MDH1: variants seen among roughly 807,000 people sequenced by gnomAD.
The protein encoded by MDH1 is malate dehydrogenase 1, also known as malate dehydrogenase, cytoplasmic.
A neutral mutation model predicts 38.7 loss-of-function variants in MDH1; 15 were observed. The ratio of observed to expected loss-of-function variants is 0.39; its 90% confidence interval spans 0.26 to 0.60. MDH1 has a LOEUF of 0.60. Among genes scored for constraint, MDH1 ranks in the 20% least tolerant of loss-of-function variants. The pLI is 0.56. For synonymous variants in MDH1, 144 were observed against 143.6 expected (o/e 1.00, Z -0.02); for missense variants, 368 against 405.2 (o/e 0.91, Z 0.79).
In MDH1 at chr2:63,606,936, G is replaced by A; in HGVS notation, c.954G>A (p.Lys318=). ...FSREKMDLTA[K]ELTEEKESAF... is the part of the protein sequence containing the mutation. ...GTGAGAAGATGGATCTTACTGCAAA[G>A]GAACTGACAGAAGAAAAAGAAAGTG... The change falls in exon 9 of 9, where the codon AAG becomes AAA. Residue 318 remains lysine, a synonymous_variant. Transcript: ENST00000233114. 1 of 1,612,836 alleles carries A rather than the reference G, an allele frequency of 6.2e-7. No individual in the cohort carries two copies. The highest frequency in any genetic ancestry group is 1.1e-5 in the South Asian group (1 of 90,888).
At chr2:63,600,107 T>TA (rs1709391617) in intron 5 of MDH1, 3 of 143,528 alleles carry the variant, frequency 2.1e-5, no homozygotes, top group Non-Finnish European at 4.7e-5. Flanking sequence ...AACTTTAGTT[T>TA]CAAAAAAAAA....
chr2:63,595,016 T>C, intron 2 of MDH1: 1 of 276,358 alleles, frequency 3.6e-6, no homozygotes, highest in Non-Finnish European at 6.9e-6. Context: ...TAAAATCCTT[T>C]TCTAAGGTAT....
At chr2:63,598,811 G>A (rs904620683) in intron 4 of MDH1, among the ~76,000 whole-genome samples, 9 of 150,330 alleles carry the variant, frequency 6.0e-5, no homozygotes, top group Non-Finnish European at 1.0e-4. Flanking sequence ...TCTTCAAAGC[G>A]TCCTTGTTCG....
chr2:63,594,472 G>A lies in MDH1; in HGVS notation c.4-16G>A, dbSNP rs751703733. ...CAGTAGTACTTAAAGATGTTAATGG[G>A]TCTTTTTCATTACAGTCTGAACCAA... On this transcript the variant is annotated splice_polypyrimidine_tract_variant and intron_variant, in intron 1 of 8. Transcript: ENST00000233114. The A allele has an allele frequency of 3.8e-6, 6 of 1,578,814 alleles. No individual in the cohort carries two copies. The highest frequency in any genetic ancestry group is 3.3e-5 in the Admixed American group (2 of 59,922).
chr2:63,604,701 T>C lies in MDH1; in HGVS notation c.504T>C (p.Ala168=). The C allele has an allele frequency of 6.2e-7, 1 of 1,613,148 alleles. No homozygotes were observed. Among genetic ancestry groups the C allele is most frequent in the Admixed American group, 1.7e-5 (1 of 59,936 alleles). The change falls in exon 6 of 9, where the codon GCT becomes GCC. Residue 168 remains alanine, a synonymous_variant. Transcript: ENST00000233114. The part of the protein sequence containing the change: ...LDHNRAKAQI[A]LKLGVTANDV... ...TTTGTTTTCAATTTAACTAGATTGC[T>C]CTTAAACTTGGTGTGACTGCTAATG...
At chr2:63,598,229 A>G (rs948981296) in intron 4 of MDH1, 9 of 152,296 alleles carry the variant, frequency 5.9e-5, no homozygotes, top group African/African-American at 2.2e-4. Flanking sequence ...CCCGGGTTCA[A>G]GCGATTCTCC....
chr2:63,604,548 T>A, intron 5 of MDH1, 148 bp from the exon 6 acceptor site: 1 of 669,066 alleles, frequency 1.5e-6, no homozygotes. Flanking sequence ...GCAATAAATT[T>A]ACATTTTTTA....
Position 63,606,843 on chromosome 2 carries a change from T to C in MDH1, c.880-19T>C, listed in dbSNP as rs1355340573. 2.5e-6 allele frequency: 4 copies of C among 1,587,356 alleles called. No individual in the cohort carries two copies. Among genetic ancestry groups the C allele is most frequent in the Non-Finnish European group, 3.4e-6 (4 of 1,167,108 alleles). On this transcript the variant is annotated intron_variant, in intron 8 of 8. Transcript: ENST00000233114. Reference sequence around the variant, plus strand: ...ATCAGTTCCAGTTTAAATCTCTTATTTGCATTATTTTCAAACAGAATAAGA... The same window carrying C: ...ATCAGTTCCAGTTTAAATCTCTTATCTGCATTATTTTCAAACAGAATAAGA...
chr2:63,598,717 G>A (rs1709363071), intron 4 of MDH1, among the ~76,000 whole-genome samples: 1 of 152,042 alleles, frequency 6.6e-6, no homozygotes, highest in Non-Finnish European at 1.5e-5. Context: ...ATCCACAGGT[G>A]CCAGTAAAAG....
intron 1 of MDH1, among the ~76,000 whole-genome samples, chr2:63,589,784 G>T (rs558872680): frequency 3.3e-5 from 5 of 152,158 alleles, no homozygotes; most frequent in Non-Finnish European, 7.3e-5. Flanking sequence ...CTGAAAGAGA[G>T]GGGGAGGGGG....
chr2:63,602,358 T>TG (rs1301117232), intron 5 of MDH1, among the ~76,000 whole-genome samples: 50 of 148,046 alleles, frequency 3.4e-4, no homozygotes, highest in African/African-American at 1.2e-3. Context: ...TTTTTTTTTT[T>TG]TTTTTTTTTT....
At chr2:63,599,713 C>A (rs1279259609) in intron 5 of MDH1, 1 of 152,226 alleles carries the variant, frequency 6.6e-6, no homozygotes, top group African/African-American at 2.4e-5. Flanking sequence ...GCTAAGCCAT[C>A]AAATTCAGAT....
At chr2:63,594,039 C>G in intron 1 of MDH1, among the ~76,000 whole-genome samples, 1 of 152,180 alleles carries the variant, frequency 6.6e-6, no homozygotes, top group Non-Finnish European at 1.5e-5. Flanking sequence ...GATTAATTGT[C>G]TTATTTAAAT....
Position 63,606,894 on chromosome 2 carries a change from T to C in MDH1, c.912T>C (p.Pro304=), listed in dbSNP as rs1575728079. The C allele has an allele frequency of 6.2e-7, 1 of 1,611,936 alleles. No individual in the cohort carries two copies. Reference sequence around the variant, plus strand: ...CCTGGAAGTTTGTTGAAGGTCTCCCTATTAATGATTTCTCACGTGAGAAGA... The same window carrying C: ...CCTGGAAGTTTGTTGAAGGTCTCCCCATTAATGATTTCTCACGTGAGAAGA... ...NKTWKFVEGL[P]INDFSREKMD... Residue 304 remains proline, a synonymous_variant, in exon 9 of 9, where the codon CCT becomes CCC. Coordinates refer to ENST00000233114, the MANE Select transcript of MDH1 (RefSeq NM_005917.4).
rs9309355 is a variant in MDH1, at chr2:63,604,600, C to T, written c.499-96C>T. 0.02 allele frequency: 19,034 copies of T among 967,482 alleles called. 1,723 individuals carry two copies. The African/African-American group carries it at 0.23, about 12-fold the overall frequency. 59.9% of individuals were successfully genotyped at this position (967,482 alleles called of 1,614,324 possible). A position where few individuals can be genotyped will look rare whatever the true frequency, so the allele number is the denominator to read the frequency against. ...TTGTGTTCTCTTGAAATTTCAGAAGCTTTTTATCTTTATTTAAGGGCATTT... is the reference window on the plus strand; with the variant it reads ...TTGTGTTCTCTTGAAATTTCAGAAGTTTTTTATCTTTATTTAAGGGCATTT... On this transcript the variant is annotated intron_variant, in intron 5 of 8. Coordinates refer to ENST00000233114, the MANE Select transcript of MDH1 (RefSeq NM_005917.4).
At chr2:63,604,947 A>C in intron 6 of MDH1, 75 bp downstream of exon 6, 1 of 1,468,960 alleles carries the variant, frequency 6.8e-7, no homozygotes, top group Non-Finnish European at 9.3e-7. Context: ...AGAAAACCTT[A>C]AAGAGGGCAG....
At chr2:63,601,598 A>G (rs1371962836) in intron 5 of MDH1, among the ~76,000 whole-genome samples, 2 of 152,240 alleles carry the variant, frequency 1.3e-5, no homozygotes, top group Non-Finnish European at 2.9e-5. Context: ...CATGAATCAT[A>G]TTAAGAAACT....
At chr2:63,602,789 C>G (rs1416141821) in intron 5 of MDH1, among the ~76,000 whole-genome samples, 1 of 152,134 alleles carries the variant, frequency 6.6e-6, no homozygotes. Flanking sequence ...AGTAAGGAAC[C>G]TTTTGAGACT....
At chr2:63,602,347 G>GTT (rs144884000) in intron 5 of MDH1, among the ~76,000 whole-genome samples, 20 of 104,010 alleles carry the variant, frequency 1.9e-4, no homozygotes, top group African/African-American at 5.5e-4. Context: ...GTTGGTTGGG[G>GTT]TTTTTTTTTT....
Sources: allele counts gnomAD v4.1 joint callset (sites outside exome capture counted in the v4.1 genomes callset), GRCh38; gene constraint gnomAD v4.1.1; transcripts MANE v1.5; gene names NCBI Gene and HGNC (gene_info 2026-07-23, HGNC 2026-07-21).